Variants in CRACD observed in about 807,000 individuals in gnomAD.
CRACD encodes capping protein inhibiting regulator of actin dynamics.
CRACD carries 56 observed loss-of-function variants against 106.8 expected under a neutral mutation model. The observed-to-expected ratio is 0.52, with a 90% CI of 0.42 to 0.66. The LOEUF is 0.66. CRACD is among the 30% of genes least tolerant of loss of function. The probability of loss-of-function intolerance (pLI) is 0.00; values close to 1 mark genes in which losing one functional copy is unlikely to be tolerated. For synonymous variants in CRACD, 754 were observed against 670.8 expected, an observed-to-expected ratio of 1.12 and a Z score of -1.92; for missense variants, 1,730 against 1,623.2, an observed-to-expected ratio of 1.07 and a Z score of -1.13.
chr4:56,231,576 G>A (rs7698073), intron 2 of CRACD, among the ~76,000 whole-genome samples: 88,973 of 152,006 alleles, frequency 0.59, 27,016 homozygotes, highest in East Asian at 0.87. Context: ...AGAACGAGAA[G>A]CTACCCAAAT....
intron 1 of CRACD, among the ~76,000 whole-genome samples, chr4:56,103,097 C>G (rs1287858631): frequency 2.6e-5 from 4 of 152,142 alleles, no homozygotes; most frequent in Non-Finnish European, 5.9e-5. Context: ...TAGTAGTGTG[C>G]CTGAACTCAA....
chr4:56,244,407 G>A (rs1740557356), intron 2 of CRACD, among the ~76,000 whole-genome samples: 1 of 152,228 alleles, frequency 6.6e-6, no homozygotes, highest in African/African-American at 2.4e-5. Flanking sequence ...TACACATTTA[G>A]GAAAGAACAT....
chr4:56,079,308 G>A (rs937815365), intron 1 of CRACD, among the ~76,000 whole-genome samples: 2 of 151,074 alleles, frequency 1.3e-5, no homozygotes, highest in Non-Finnish European at 2.9e-5. Flanking sequence ...TTTTATTTCT[G>A]GAAGGAAGAT....
At chr4:56,319,027 A>G (rs990872526) in intron 8 of CRACD, among the ~76,000 whole-genome samples, 5 of 152,098 alleles carry the variant, frequency 3.3e-5, no homozygotes, top group African/African-American at 1.2e-4. Flanking sequence ...TCTTACTCGT[A>G]TTATTAGTAG....
intron 2 of CRACD, among the ~76,000 whole-genome samples, chr4:56,226,858 T>TTC (rs368656403): frequency 1.2e-4 from 18 of 148,356 alleles, no homozygotes; most frequent in African/African-American, 2.0e-4. Context: ...GTGTGTCTCT[T>TTC]TCTCTCTCTC....
At position 56,307,478 on chromosome 4, in the gene CRACD, G is replaced by A. The variant is rs2109746777; in HGVS notation, c.121-57G>A. The A allele has an allele frequency of 3.2e-6, 5 of 1,576,124 alleles. No homozygotes were observed. In the East Asian group the frequency reaches 1.1e-4, roughly 35 times the overall value. On this transcript the variant is annotated intron_variant, in intron 4 of 10. Coordinates refer to ENST00000682029, the MANE Select transcript of CRACD (RefSeq NM_001393381.1). ...ACTAGACATGCTGGAGAACCTGGTT[G>A]TGGTGGTTGTGAACTGCTTCACTGC...
At chr4:56,202,914 TAAG>T (rs1238341117) in intron 2 of CRACD, among the ~76,000 whole-genome samples, 3 of 152,208 alleles carry the variant, frequency 2.0e-5, no homozygotes, top group Admixed American at 6.5e-5. Context: ...ATTTGAAATT[TAAG>T]AAGATTTTAT....
chr4:56,107,474 C>T lies in CRACD; in HGVS notation c.-336+58175C>T, dbSNP rs544605957. Among the ~76,000 whole-genome samples the T allele has an allele frequency of 3.7e-3, 558 of 151,206 alleles. 3 individuals carry two copies. Among genetic ancestry groups the T allele is most frequent in the African/African-American group, 0.013 (523 of 41,300 alleles). The stretch of plus-strand genomic sequence containing the variant: ...GCTACTATTAATCCTTTTTTTTTCT[C>T]TCCTCTTGTTTCTAACCTGATACTC... On this transcript the variant is annotated intron_variant, in intron 1 of 10. Coordinates refer to ENST00000682029, the MANE Select transcript of CRACD (RefSeq NM_001393381.1).
chr4:56,055,190 G>A (rs186724548), intron 1 of CRACD, among the ~76,000 whole-genome samples: 1 of 152,032 alleles, frequency 6.6e-6, no homozygotes, highest in Non-Finnish European at 1.5e-5. Flanking sequence ...ATCTTATCTG[G>A]AGGCTCACTG....
At chr4:56,139,993 G>T (rs1367746354) in intron 1 of CRACD, among the ~76,000 whole-genome samples, 1 of 152,022 alleles carries the variant, frequency 6.6e-6, no homozygotes, top group Non-Finnish European at 1.5e-5. Flanking sequence ...CAGAAATTTT[G>T]TATGTTTTCG....
intron 1 of CRACD, among the ~76,000 whole-genome samples, chr4:56,148,187 G>T (rs1380821126): frequency 6.6e-6 from 1 of 152,028 alleles, no homozygotes; most frequent in East Asian, 1.9e-4. Flanking sequence ...TCTGAGGTTA[G>T]CATCCAGTAC....
intron 2 of CRACD, among the ~76,000 whole-genome samples, chr4:56,266,082 C>T (rs1577829462): frequency 1.3e-5 from 2 of 151,072 alleles, no homozygotes; most frequent in Admixed American, 6.6e-5. Context: ...AAAAAAAAAC[C>T]TGAAGTAATT....
At chr4:56,261,852 A>T (rs1034265313) in intron 2 of CRACD, among the ~76,000 whole-genome samples, 1 of 152,214 alleles carries the variant, frequency 6.6e-6, no homozygotes, top group African/African-American at 2.4e-5. Flanking sequence ...TAGGTTAAGT[A>T]GAAACCTATT....
chr4:56,079,555 C>T (rs536760173), intron 1 of CRACD, among the ~76,000 whole-genome samples: 9 of 151,712 alleles, frequency 5.9e-5, no homozygotes, highest in Non-Finnish European at 1.2e-4. Flanking sequence ...AAATCGTTCT[C>T]GTGTCTCAGC....
intron 1 of CRACD, among the ~76,000 whole-genome samples, chr4:56,070,674 A>G (rs1411147866): frequency 6.6e-6 from 1 of 152,200 alleles, no homozygotes; most frequent in East Asian, 1.9e-4. Flanking sequence ...CCTCTTTGAA[A>G]TTCTCCAGCG....
intron 2 of CRACD, among the ~76,000 whole-genome samples, chr4:56,235,360 C>T (rs892957823): frequency 1.2e-4 from 18 of 152,160 alleles, no homozygotes; most frequent in East Asian, 3.9e-4. Context: ...GAGATGTCTA[C>T]GGGAAGATAA....
chr4:56,314,404 A>T lies in CRACD; in HGVS notation c.902A>T (p.Glu301Val). 6.5e-7 allele frequency: 1 copy of T among 1,545,386 alleles called. No homozygotes were observed. Among genetic ancestry groups the T allele is most frequent in the Non-Finnish European group, 8.7e-7 (1 of 1,145,204 alleles). Residue 301 changes from glutamate (E) to valine (V), a missense_variant, in exon 8 of 11, where the codon GAG becomes GTG. Glu to Val is a moderately radical substitution (Grantham distance 121, BLOSUM62 -2). Around this residue, in one of 5 missense-constraint regions of CRACD, gnomAD observed 1,620 missense variants for 1,481.6 expected, o/e 1.09. Coordinates refer to ENST00000682029, the MANE Select transcript of CRACD (RefSeq NM_001393381.1). The surrounding 1 kb of genome is among the most constrained non-coding windows in gnomAD (Gnocchi z 4.4). ...CGGAGCCTGGAAGCGCCAGGTTGGG[A>T]GGACGCGGAGCGGAGGGAGCGTGAG... The part of the protein sequence containing the change: ...QQRSLEAPGW[E>V]DAERREREER...
chr4:56,058,649 G>A (rs567732881), intron 1 of CRACD, among the ~76,000 whole-genome samples: 2 of 152,328 alleles, frequency 1.3e-5, no homozygotes, highest in South Asian at 2.1e-4. Context: ...ATAAAAAGGA[G>A]GAGAACTTCA....
chr4:56,323,707 A>G (rs963984804), intron 9 of CRACD, 140 bp downstream of exon 9: 4 of 821,540 alleles, frequency 4.9e-6, no homozygotes, highest in Non-Finnish European at 7.3e-6. Flanking sequence ...ACTGACCACC[A>G]TTAAACCAGG....
Sources: allele counts gnomAD v4.1 joint callset (sites outside exome capture counted in the v4.1 genomes callset), GRCh38; gene constraint gnomAD v4.1.1; regional missense constraint gnomAD v4.1.1; non-coding constraint Gnocchi (gnomAD v3.1); transcripts MANE v1.5; gene names NCBI Gene and HGNC (gene_info 2026-07-23, HGNC 2026-07-21).